The following IL2RB variants were observed in gnomAD, a reference collection of about 807,000 sequenced individuals.
IL2RB encodes interleukin-2 receptor subunit beta.
A neutral mutation model predicts 44.2 loss-of-function variants in IL2RB; 17 were observed. That is an observed-to-expected ratio of 0.38 (90% CI 0.26 to 0.58). The LOEUF (loss-of-function observed/expected upper bound fraction) is 0.58, where lower values mean the gene tolerates loss of function less well. IL2RB is among the 20% of genes least tolerant of loss of function. The pLI, the probability that IL2RB is intolerant of heterozygous loss-of-function variation, is 0.63. For missense variants in IL2RB, 624 were observed against 685.5 expected (o/e 0.91, Z 1.00); for synonymous variants, 286 against 297.9 (o/e 0.96, Z 0.41).
chr22:37,163,859 C>A (rs1413301124), intron 1 of IL2RB, among the ~76,000 whole-genome samples: 1 of 152,254 alleles, frequency 6.6e-6, no homozygotes, highest in Non-Finnish European at 1.5e-5. Flanking sequence ...CACCCTCTTA[C>A]TGGGCCAGGC....
At chr22:37,133,856 T>C (rs949309116) in intron 8 of IL2RB, among the ~76,000 whole-genome samples, 7 of 152,200 alleles carry the variant, frequency 4.6e-5, no homozygotes, top group African/African-American at 7.2e-5. Flanking sequence ...CCAGCGCCCC[T>C]GCACTCTGTT....
At chr22:37,137,551 G>A in intron 6 of IL2RB, 36 bp downstream of exon 6, 3 of 1,610,844 alleles carry the variant, frequency 1.9e-6, no homozygotes, top group Non-Finnish European at 1.7e-6. Context: ...CAGGAAGGAG[G>A]AACCAAGGCA....
At chr22:37,169,981 G>A (rs940939003) in intron 1 of IL2RB, among the ~76,000 whole-genome samples, 3 of 152,124 alleles carry the variant, frequency 2.0e-5, no homozygotes, top group African/African-American at 7.2e-5. Context: ...AAAATGGACT[G>A]ATGGATGAAC....
chr22:37,157,435 G>A (rs1922718459), intron 1 of IL2RB, among the ~76,000 whole-genome samples: 1 of 152,136 alleles, frequency 6.6e-6, no homozygotes, highest in Non-Finnish European at 1.5e-5. Flanking sequence ...TGTTCATCCG[G>A]GAGCTGCCTG....
chr22:37,159,342 A>C (rs1373549879), intron 1 of IL2RB, among the ~76,000 whole-genome samples: 1 of 152,072 alleles, frequency 6.6e-6, no homozygotes, highest in African/African-American at 2.4e-5. Flanking sequence ...GCTTGGGGAA[A>C]AGCAAAAAAT....
At chr22:37,129,244 C>A (rs545606200) in intron 9 of IL2RB, among the ~76,000 whole-genome samples, 7 of 152,204 alleles carry the variant, frequency 4.6e-5, no homozygotes, top group African/African-American at 1.7e-4. Context: ...GTGTGGGAAT[C>A]GATCCACCCA....
chr22:37,130,170 A>G (rs1445008065), intron 9 of IL2RB, among the ~76,000 whole-genome samples: 4 of 152,262 alleles, frequency 2.6e-5, no homozygotes, highest in Admixed American at 6.5e-5. Flanking sequence ...TGAGGATGGC[A>G]AAGAGGGTCG....
At chr22:37,134,666 G>A (rs1188500902) in intron 8 of IL2RB, among the ~76,000 whole-genome samples, 1 of 152,146 alleles carries the variant, frequency 6.6e-6, no homozygotes, top group Non-Finnish European at 1.5e-5. Context: ...ACCAGCTTTG[G>A]TATCTGTAGG....
chr22:37,135,414 G>T lies in IL2RB; in HGVS notation c.732C>A (p.Leu244=). ...AALGKDTIPW[L]GHLLVGLSGA... is the part of the protein sequence containing the mutation. The stretch of plus-strand genomic sequence containing the variant: ...CGCTGAGGCCCACGAGGAGGTGGCC[G>T]AGCCACGGAATGGTGTCCTTCCCAA... Residue 244 remains leucine, a synonymous_variant, in exon 8 of 10, where the codon CTC becomes CTA. Coordinates refer to ENST00000216223, the MANE Select transcript of IL2RB (RefSeq NM_000878.5). The T allele has an allele frequency of 6.2e-7, 1 of 1,613,640 alleles. No individual in the cohort carries two copies. The highest frequency in any genetic ancestry group is 8.5e-7 in the Non-Finnish European group (1 of 1,179,632).
intron 9 of IL2RB, among the ~76,000 whole-genome samples, chr22:37,130,294 T>C (rs1476716425): frequency 1.3e-5 from 2 of 152,238 alleles, no homozygotes; most frequent in African/African-American, 4.8e-5. Context: ...CGGCCAGGCC[T>C]GTGGCCAGTG....
intron 5 of IL2RB, 69 bp downstream of exon 5, chr22:37,139,048 A>G: frequency 1.0e-6 from 1 of 994,610 alleles, no homozygotes; most frequent in Non-Finnish European, 1.6e-6. Flanking sequence ...AGCAGGGAAG[A>G]TCCCAGAGGA....
At chr22:37,140,133 T>C (rs886414725) in intron 4 of IL2RB, among the ~76,000 whole-genome samples, 10 of 152,004 alleles carry the variant, frequency 6.6e-5, no homozygotes, top group African/African-American at 9.7e-5. Context: ...TTGGGCACCG[T>C]CCCTCTGGTC....
chr22:37,135,548 C>T, intron 7 of IL2RB, 106 bp from the exon 8 acceptor site: 1 of 686,660 alleles, frequency 1.5e-6, no homozygotes, highest in South Asian at 1.7e-5. Context: ...GCCACGCAGG[C>T]CTGCGTCTGG....
chr22:37,132,446 T>C lies in IL2RB; in HGVS notation c.841A>G (p.Asn281Asp), dbSNP rs369612891. 6.2e-7 allele frequency: 1 copy of C among 1,613,916 alleles called. No individual in the cohort carries two copies. Among genetic ancestry groups the C allele is most frequent in the Non-Finnish European group, 8.5e-7 (1 of 1,179,974 alleles). The change falls in exon 9 of 10, where the codon AAC becomes GAC. Residue 281 changes from asparagine to aspartate, a missense_variant. Physicochemically the swap from Asn to Asp is conservative, Grantham distance 23. This residue lies in a region of IL2RB where 255 missense variants were observed against 339.9 expected (regional missense o/e 0.75). Coordinates refer to ENST00000216223, the MANE Select transcript of IL2RB (RefSeq NM_000878.5). Reference sequence around the variant, plus strand: ...AAGAACTTCGAGGGGTCTGGGGTGTTACACTTCAGGACCTTCTTCAGCCTG... The same window carrying C: ...AAGAACTTCGAGGGGTCTGGGGTGTCACACTTCAGGACCTTCTTCAGCCTG... ...GPWLKKVLKC[N>D]TPDPSKFFSQ...
At chr22:37,165,281 G>A (rs1279163098) in intron 1 of IL2RB, among the ~76,000 whole-genome samples, 1 of 152,218 alleles carries the variant, frequency 6.6e-6, no homozygotes, top group Non-Finnish European at 1.5e-5. Context: ...GAGAATTTGA[G>A]CTATGGCTGG....
rs566722314 is a variant in IL2RB, at chr22:37,157,392, C to T, written c.-33-13187G>A. ...AGCAGCCACCTCCACGCCAGCCCCCCAGGCTCCAGACCTGAAGCCCCACGT... is the reference window on the plus strand; with the variant it reads ...AGCAGCCACCTCCACGCCAGCCCCCTAGGCTCCAGACCTGAAGCCCCACGT... On this transcript the variant is annotated intron_variant, in intron 1 of 5. Coordinates refer to the IL2RB transcript ENST00000429622. 3.9e-5 allele frequency among the ~76,000 whole-genome samples: 6 copies of T among 152,306 alleles called. No homozygotes were observed. The South Asian group carries it at 6.2e-4, about 16-fold the overall frequency.
intron 1 of IL2RB, among the ~76,000 whole-genome samples, chr22:37,167,175 A>G (rs1406274919): frequency 6.6e-6 from 1 of 151,564 alleles, no homozygotes; most frequent in African/African-American, 2.4e-5. Flanking sequence ...CCTGGCCCCC[A>G]CGTTTAGGGT....
chr22:37,143,441 C>T, intron 3 of IL2RB, 80 bp downstream of exon 3: 2 of 925,934 alleles, frequency 2.2e-6, no homozygotes, highest in Non-Finnish European at 3.5e-6. Context: ...TAAACGTTGA[C>T]TCCTTGGAGT....
intron 1 of IL2RB, among the ~76,000 whole-genome samples, chr22:37,166,085 C>A (rs1601614279): frequency 6.6e-6 from 1 of 152,314 alleles, no homozygotes; most frequent in East Asian, 1.9e-4. Flanking sequence ...CAGCTGATAG[C>A]TGGGCCAGGA....
Sources: allele counts gnomAD v4.1 joint callset (sites outside exome capture counted in the v4.1 genomes callset), GRCh38; gene constraint gnomAD v4.1.1; regional missense constraint gnomAD v4.1.1; transcripts MANE v1.5; gene names NCBI Gene and HGNC (gene_info 2026-07-23, HGNC 2026-07-21).